Variants in TNIP3 observed in about 807,000 individuals in gnomAD.
The protein encoded by TNIP3 is TNFAIP3 interacting protein 3, also known as TNFAIP3-interacting protein 3.
In TNIP3, 34 loss-of-function variants were observed where a neutral mutation model predicts 54.1. The ratio of observed to expected loss-of-function variants is 0.63; its 90% CI spans 0.48 to 0.84. The LOEUF (loss-of-function observed/expected upper bound fraction) is 0.84. Ranked by LOEUF, TNIP3 falls within the 40% of genes least tolerant of loss-of-function variation. The pLI, the probability that TNIP3 is intolerant of heterozygous loss-of-function variation, is 0.00. For missense variants in TNIP3, 366 were observed against 387.6 expected, an observed-to-expected ratio of 0.94 and a Z score of 0.47; for synonymous variants, 134 against 136.8, an observed-to-expected ratio of 0.98 and a Z score of 0.14.
At chr4:121,203,832 G>T (rs1726034301) in intron 2 of TNIP3, among the ~76,000 whole-genome samples, 1 of 150,716 alleles carries the variant, frequency 6.6e-6, no homozygotes, top group South Asian at 2.1e-4. Flanking sequence ...CTGATAATTA[G>T]TATTAACATC....
intron 3 of TNIP3, among the ~76,000 whole-genome samples, chr4:121,176,550 GA>G (rs1217535196): frequency 5.3e-5 from 8 of 149,932 alleles, no homozygotes; most frequent in African/African-American, 2.0e-4. Flanking sequence ...TGATGATGAT[GA>G]TGATAGTGTT....
intron 10 of TNIP3, 40 bp downstream of exon 10, chr4:121,138,584 T>C (rs780716418): frequency 3.2e-6 from 5 of 1,573,240 alleles, no homozygotes; most frequent in African/African-American, 2.7e-5. Flanking sequence ...CCCATTAAGA[T>C]GTAAACATGA....
intron 3 of TNIP3, chr4:121,182,598 C>T (rs1560676153): frequency 6.8e-7 from 1 of 1,479,276 alleles, no homozygotes; most frequent in Non-Finnish European, 9.0e-7. Context: ...GACTTGGGGA[C>T]TGTCTCCACA....
chr4:121,184,507 G>A (rs2148828518), intron 2 of TNIP3, among the ~76,000 whole-genome samples: 1 of 152,264 alleles, frequency 6.6e-6, no homozygotes, highest in South Asian at 2.1e-4. Flanking sequence ...GAATCATATG[G>A]GTAGAGAAAT....
At chr4:121,186,931 A>G (rs967041219) in intron 2 of TNIP3, among the ~76,000 whole-genome samples, 1 of 152,216 alleles carries the variant, frequency 6.6e-6, no homozygotes, top group Admixed American at 6.5e-5. Flanking sequence ...TAATATAGGA[A>G]TTTGTACATG....
At chr4:121,208,732 GTC>G (rs1373829086) in intron 2 of TNIP3, among the ~76,000 whole-genome samples, 1 of 152,100 alleles carries the variant, frequency 6.6e-6, no homozygotes. Flanking sequence ...TACATTCTTT[GTC>G]TCTGGTTCCT....
chr4:121,190,013 T>G (rs1244332341), intron 2 of TNIP3, among the ~76,000 whole-genome samples: 1 of 152,162 alleles, frequency 6.6e-6, no homozygotes, highest in African/African-American at 2.4e-5. Flanking sequence ...CAGGTGCTGG[T>G]GCTAGCCCCA....
At chr4:121,134,873 C>A (rs1728686860) in intron 10 of TNIP3, among the ~76,000 whole-genome samples, 1 of 152,182 alleles carries the variant, frequency 6.6e-6, no homozygotes, top group Non-Finnish European at 1.5e-5. Context: ...TCCTGGCACC[C>A]AAATGCACAT....
At chr4:121,158,809 G>T (rs1730269205) in intron 2 of TNIP3, 57 bp from the exon 3 acceptor site, 1 of 1,397,910 alleles carries the variant, frequency 7.2e-7, no homozygotes, top group Non-Finnish European at 1.0e-6. Context: ...TTGGAAGTTT[G>T]GTCAAAAAGA....
At chr4:121,154,494 G>T in intron 5 of TNIP3, 57 bp downstream of exon 5, 1 of 1,603,118 alleles carries the variant, frequency 6.2e-7, no homozygotes. Flanking sequence ...CTGTCAGTAA[G>T]AATGTTTTAT....
At chr4:121,213,163 A>C (rs1381735646) in intron 2 of TNIP3, among the ~76,000 whole-genome samples, 1 of 152,208 alleles carries the variant, frequency 6.6e-6, no homozygotes, top group Non-Finnish European at 1.5e-5. Flanking sequence ...ATGAAGAAAG[A>C]CACAGAGCTC....
intron 1 of TNIP3, among the ~76,000 whole-genome samples, chr4:121,161,634 T>C (rs1268309433): frequency 1.3e-5 from 2 of 152,154 alleles, no homozygotes; most frequent in African/African-American, 4.8e-5. Context: ...GCTGTGCCCA[T>C]GAACATGTAT....
chr4:121,203,615 A>G (rs1726021074), intron 2 of TNIP3, among the ~76,000 whole-genome samples: 1 of 152,160 alleles, frequency 6.6e-6, no homozygotes, highest in African/African-American at 2.4e-5. Flanking sequence ...ACCTATTAAA[A>G]TAAAACATTC....
exon 3 of TNIP3, chr4:121,182,720 T>C (rs139501144): frequency 0.025 from 37,601 of 1,533,966 alleles, 571 homozygotes; most frequent in Admixed American, 0.045. Context: ...GCCTCTGGGG[T>C]GAACCGTTTT....
chr4:121,210,802 C>T (rs560453262), intron 2 of TNIP3, among the ~76,000 whole-genome samples: 27 of 152,254 alleles, frequency 1.8e-4, no homozygotes, highest in Non-Finnish European at 3.1e-4. Context: ...ACCTTAATTA[C>T]CTCCTAAGGG....
chr4:121,139,070 G>C (rs1268002451), intron 9 of TNIP3, among the ~76,000 whole-genome samples: 1 of 152,206 alleles, frequency 6.6e-6, no homozygotes, highest in Non-Finnish European at 1.5e-5. Flanking sequence ...TAGAGGCAAT[G>C]AGAAGGCCAG....
At chr4:121,138,114 G>A (rs1728898047) in intron 10 of TNIP3, 2 of 390,096 alleles carry the variant, frequency 5.1e-6, no homozygotes, top group African/African-American at 2.1e-5. Context: ...GTTTTCCCCA[G>A]CATACTTTGA....
intron 2 of TNIP3, among the ~76,000 whole-genome samples, chr4:121,199,690 G>C (rs972263615): frequency 6.6e-6 from 1 of 152,234 alleles, no homozygotes; most frequent in African/African-American, 2.4e-5. Flanking sequence ...GCCTGGAGAA[G>C]AGAAAGCTGA....
intron 3 of TNIP3, 112 bp downstream of exon 3, chr4:121,158,575 A>T: frequency 1.2e-6 from 1 of 832,614 alleles, no homozygotes. Context: ...ATTTTCCAAC[A>T]GTTGGCTATC....
Sources: gnomAD v4.1 joint callset for allele counts (sites outside exome capture counted in the v4.1 genomes callset) on GRCh38, gnomAD v4.1.1 for gene constraint, MANE v1.5 for transcripts, NCBI Gene and HGNC (gene_info 2026-07-23, HGNC 2026-07-21) for gene names.